GRID1: variants seen among roughly 807,000 people sequenced by gnomAD.
GRID1 encodes glutamate receptor ionotropic, delta-1.
A neutral mutation model predicts 98.0 loss-of-function variants in GRID1; 28 were observed. That is an observed-to-expected ratio of 0.29 (90% confidence interval 0.21 to 0.39). GRID1 has a LOEUF of 0.39. Among genes scored for constraint, GRID1 ranks in the 10% least tolerant of loss-of-function variants. GRID1 has a pLI of 1.00. For synonymous variants in GRID1, 553 were observed against 538.5 expected, an observed-to-expected ratio of 1.03 and a Z score of -0.37; for missense variants, 1,111 against 1,340.5, an observed-to-expected ratio of 0.83 and a Z score of 2.67.
At chr10:86,104,378 C>T (rs535771448) in intron 4 of GRID1, among the ~76,000 whole-genome samples, 3 of 152,270 alleles carry the variant, frequency 2.0e-5, no homozygotes, top group African/African-American at 7.2e-5. Context: ...CACAGGCATC[C>T]CACACCTGTT....
intron 4 of GRID1, among the ~76,000 whole-genome samples, chr10:86,046,594 C>G (rs779975666): frequency 4.6e-5 from 7 of 152,032 alleles, no homozygotes; most frequent in African/African-American, 1.2e-4. Context: ...AAGTTTATTG[C>G]CCCCCATGAG....
At chr10:86,028,445 G>A (rs897405757) in intron 4 of GRID1, among the ~76,000 whole-genome samples, 9 of 152,174 alleles carry the variant, frequency 5.9e-5, no homozygotes, top group African/African-American at 1.4e-4. Context: ...TCAGTCCACC[G>A]AAGTGAACTG....
At position 85,910,037 on chromosome 10, in the gene GRID1, C is replaced by G. The variant is rs767455975; in HGVS notation, c.780+6149G>C. On this transcript the variant is annotated intron_variant, in intron 5 of 15. Transcript: ENST00000327946. ...TAAATGGCAACTCCTGGTCTTCATTCAAGAGTTCTGAGCTGGGACTACAGA... is the reference window on the plus strand; with the variant it reads ...TAAATGGCAACTCCTGGTCTTCATTGAAGAGTTCTGAGCTGGGACTACAGA... Among the ~76,000 whole-genome samples, 4 of 152,176 alleles carry G rather than the reference C, an allele frequency of 2.6e-5. No homozygotes were observed. The South Asian group carries it at 8.3e-4, about 32-fold the overall frequency.
intron 15 of GRID1, among the ~76,000 whole-genome samples, 190 bp from the exon 16 acceptor site, chr10:85,602,891 G>A (rs564220171): frequency 6.6e-6 from 1 of 152,130 alleles, no homozygotes; most frequent in African/African-American, 2.4e-5. Context: ...GAAGCCAGGG[G>A]GGAGACATGA....
intron 4 of GRID1, among the ~76,000 whole-genome samples, chr10:85,967,671 T>G (rs985617710): frequency 6.6e-6 from 1 of 152,190 alleles, no homozygotes; most frequent in South Asian, 2.1e-4. Flanking sequence ...AAGAACTAAA[T>G]GAAATTCTTG....
intron 13 of GRID1, among the ~76,000 whole-genome samples, chr10:85,630,697 C>A (rs1167346966): frequency 2.0e-5 from 3 of 152,072 alleles, no homozygotes; most frequent in Non-Finnish European, 2.9e-5. Context: ...TGTTTTCTGG[C>A]CAAGCAGCAT....
intron 5 of GRID1, among the ~76,000 whole-genome samples, chr10:85,889,906 TCTC>T (rs1157232450): frequency 1.3e-5 from 2 of 152,136 alleles, no homozygotes; most frequent in Non-Finnish European, 2.9e-5. Context: ...CTCATTGTGT[TCTC>T]TTTTTTAAAT....
chr10:85,971,640 G>C (rs1034750910), intron 4 of GRID1, among the ~76,000 whole-genome samples: 1 of 152,114 alleles, frequency 6.6e-6, no homozygotes, highest in Non-Finnish European at 1.5e-5. Context: ...TAAAACCACA[G>C]TGAGACTCAC....
chr10:85,912,878 T>C (rs1468525600), intron 5 of GRID1, among the ~76,000 whole-genome samples: 2 of 152,276 alleles, frequency 1.3e-5, no homozygotes, highest in Admixed American at 1.3e-4. Context: ...AGAAACCATT[T>C]GTCTGTGGCT....
intron 13 of GRID1, among the ~76,000 whole-genome samples, chr10:85,638,572 G>C (rs1843077190): frequency 6.6e-6 from 1 of 152,104 alleles, no homozygotes; most frequent in South Asian, 2.1e-4. Context: ...TGTCAATCAA[G>C]GCATGTAGTC....
At chr10:86,140,530 G>A (rs1375772431) in intron 3 of GRID1, among the ~76,000 whole-genome samples, 1 of 152,244 alleles carries the variant, frequency 6.6e-6, no homozygotes, top group African/African-American at 2.4e-5. Flanking sequence ...GTCCCAGCTG[G>A]ACTGTGTGAC....
chr10:85,746,008 A>T (rs1486383790), intron 8 of GRID1, among the ~76,000 whole-genome samples: 1 of 152,236 alleles, frequency 6.6e-6, no homozygotes, highest in Admixed American at 6.5e-5. Flanking sequence ...GGTATTGACC[A>T]GTGATCACTA....
At chr10:86,183,209 C>T (rs1346914948) in intron 3 of GRID1, among the ~76,000 whole-genome samples, 1 of 152,122 alleles carries the variant, frequency 6.6e-6, no homozygotes, top group Non-Finnish European at 1.5e-5. Flanking sequence ...AATGTAATCA[C>T]ATAGTATATA....
At chr10:86,163,069 C>G (rs1049023407) in intron 3 of GRID1, among the ~76,000 whole-genome samples, 1 of 152,150 alleles carries the variant, frequency 6.6e-6, no homozygotes, top group East Asian at 1.9e-4. Flanking sequence ...AAACTGAGGG[C>G]CAGGATGCTG....
intron 13 of GRID1, among the ~76,000 whole-genome samples, chr10:85,633,947 G>A (rs564881462): frequency 9.1e-4 from 138 of 152,154 alleles, no homozygotes; most frequent in African/African-American, 2.5e-3. Context: ...TGAGGTGGGC[G>A]GATCACCTGA....
intron 2 of GRID1, among the ~76,000 whole-genome samples, chr10:86,290,023 G>T (rs1004013832): frequency 2.0e-5 from 3 of 152,172 alleles, no homozygotes; most frequent in African/African-American, 7.2e-5. Context: ...AAGAGCAGAA[G>T]GCGTAACCGC....
intron 2 of GRID1, among the ~76,000 whole-genome samples, chr10:86,218,608 C>G (rs549368757): frequency 4.6e-5 from 7 of 152,326 alleles, no homozygotes; most frequent in African/African-American, 1.7e-4. Flanking sequence ...ATCTCTGCAC[C>G]TGCTGTTCCC....
At chr10:85,634,170 GAA>G (rs199625656) in intron 13 of GRID1, among the ~76,000 whole-genome samples, 1 of 110,224 alleles carries the variant, frequency 9.1e-6, no homozygotes. Context: ...AACTCCATCT[GAA>G]AAAAAAAAAA....
At chr10:85,903,763 T>A (rs1262947202) in intron 5 of GRID1, among the ~76,000 whole-genome samples, 1 of 152,174 alleles carries the variant, frequency 6.6e-6, no homozygotes, top group Non-Finnish European at 1.5e-5. Context: ...CTCTGTGCCA[T>A]TCCTAAAGCC....
Sources: gnomAD v4.1 joint callset for allele counts (sites outside exome capture counted in the v4.1 genomes callset) on GRCh38, gnomAD v4.1.1 for gene constraint, MANE v1.5 for transcripts, NCBI Gene and HGNC (gene_info 2026-07-23, HGNC 2026-07-21) for gene names.